The following SEMA4B variants were observed in gnomAD, a reference collection of about 807,000 sequenced individuals.
SEMA4B encodes semaphorin 4B.
SEMA4B carries 55 observed loss-of-function variants against 88.1 expected under a neutral mutation model. That is an observed-to-expected ratio of 0.62 (90% CI 0.50 to 0.78). The LOEUF (loss-of-function observed/expected upper bound fraction) is 0.78, where lower values mean the gene tolerates loss of function less well. Among genes scored for constraint, SEMA4B ranks in the 30% least tolerant of loss-of-function variants. The pLI, the probability that SEMA4B is intolerant of heterozygous loss-of-function variation, is 0.00. For missense variants in SEMA4B, 1,062 were observed against 1,111.9 expected (o/e 0.96, Z 0.64); for synonymous variants, 525 against 473.6 (o/e 1.11, Z -1.41).
At position 90,225,094 on chromosome 15, in the gene SEMA4B, C is replaced by G. The variant is rs1455179236; in HGVS notation, c.1321C>G (p.Gln441Glu). Residue 441 changes from glutamine (Q) to glutamate (E), a missense_variant, in exon 10 of 14, where the codon CAG becomes GAG. Coordinates refer to ENST00000411539, the MANE Select transcript of SEMA4B (RefSeq NM_198925.4). The stretch of plus-strand genomic sequence containing the variant: ...GGTCCGAAGCCGCATGCTGCTGCTG[C>G]AGCCCCAGGCTCGCTACCAGCGCGT... ...GQVRSRMLLLQPQARYQRVAV... is the reference protein window; with the variant it reads ...GQVRSRMLLLEPQARYQRVAV... The G allele has an allele frequency of 6.2e-7, 1 of 1,613,642 alleles. No individual in the cohort carries two copies. The highest frequency in any genetic ancestry group is 8.5e-7 in the Non-Finnish European group (1 of 1,179,860).
At chr15:90,206,462 G>A (rs920615594) in intron 1 of SEMA4B, 7 of 259,488 alleles carry the variant, frequency 2.7e-5, no homozygotes, top group African/African-American at 1.6e-4. Flanking sequence ...TGTAAGATAA[G>A]ATAATTAAAA....
upstream of SEMA4B, among the ~76,000 whole-genome samples, chr15:90,200,406 G>A (rs973570324): frequency 2.0e-5 from 3 of 152,246 alleles, no homozygotes; most frequent in African/African-American, 4.8e-5. Flanking sequence ...CTTAGGAAAA[G>A]TTGAAGTAGC....
chr15:90,222,249 C>CTTTTT (rs766999023), intron 7 of SEMA4B, among the ~76,000 whole-genome samples: 1 of 104,348 alleles, frequency 9.6e-6, no homozygotes, highest in African/African-American at 4.9e-5. Flanking sequence ...CATTTTTTTT[C>CTTTTT]TTTTCTTTTT....
rs202227363 is a variant in SEMA4B at position 90,228,294 on chromosome 15, G to C, written c.2165G>C (p.Cys722Ser). The C allele has an allele frequency of 2.5e-6, 4 of 1,591,216 alleles. No homozygotes were observed. Among genetic ancestry groups the C allele is most frequent in the Non-Finnish European group, 3.4e-6 (4 of 1,167,670 alleles). The change falls in exon 14 of 14, where the codon TGC (cysteine) becomes TCC (serine). Residue 722 changes from cysteine (C) to serine (S), a missense_variant. Transcript: ENST00000411539. Reference protein sequence around the residue: ...RSYWKEFLVMCTLFVLAVLLP... With the variant: ...RSYWKEFLVMSTLFVLAVLLP... The stretch of plus-strand genomic sequence containing the variant: ...TACTGGAAGGAGTTCCTGGTGATGT[G>C]CACGCTCTTTGTGCTGGCCGTGCTG...
At position 90,189,896 on chromosome 15, in the gene SEMA4B, G is replaced by A. The variant is rs533456340; in HGVS notation, c.-122+4815G>A. On this transcript the variant is annotated intron_variant, in intron 1 of 14. Coordinates refer to the SEMA4B transcript ENST00000332496. The stretch of plus-strand genomic sequence containing the variant: ...TGCTGCACTGCTCACAGGCTATAGT[G>A]AAAGAACTCAGGCAGCATTCATAGA... Among the ~76,000 whole-genome samples, 6 of 152,332 alleles carry A rather than the reference G, an allele frequency of 3.9e-5. No individual in the cohort carries two copies. The East Asian group carries it at 7.7e-4, about 20-fold the overall frequency.
intron 5 of SEMA4B, 46 bp downstream of exon 5, chr15:90,221,139 G>A (rs1355363024): frequency 1.5e-6 from 2 of 1,363,834 alleles, no homozygotes; most frequent in Non-Finnish European, 2.1e-6. Flanking sequence ...CCATGTAGGG[G>A]CACACAGGGC....
chr15:90,221,560 G>A (rs370495602), intron 6 of SEMA4B, 54 bp from the exon 7 acceptor site: 1 of 1,609,336 alleles, frequency 6.2e-7, no homozygotes, highest in Non-Finnish European at 8.5e-7. Flanking sequence ...CCCCAGCTTG[G>A]CCTGTCTCCA....
At chr15:90,225,518 G>T (rs764617895) in intron 11 of SEMA4B, 121 bp downstream of exon 11, 264 of 1,292,174 alleles carry the variant, frequency 2.0e-4, no homozygotes, top group Non-Finnish European at 2.8e-4. Context: ...AAAGGATCCA[G>T]TCATGAACTA....
At chr15:90,197,466 C>T (rs1212391074), upstream of SEMA4B, among the ~76,000 whole-genome samples, 1 of 151,778 alleles carries the variant, frequency 6.6e-6, no homozygotes, top group Non-Finnish European at 1.5e-5. Context: ...GGGACGGAGT[C>T]TCGCTCTGTC....
chr15:90,197,431 C>G (rs1960545885), upstream of SEMA4B, among the ~76,000 whole-genome samples: 1 of 151,916 alleles, frequency 6.6e-6, no homozygotes, highest in Non-Finnish European at 1.5e-5. Context: ...GGTGCTAGAT[C>G]TGCTCACCCA....
upstream of SEMA4B, among the ~76,000 whole-genome samples, chr15:90,200,024 C>G (rs929006182): frequency 2.6e-5 from 4 of 152,166 alleles, no homozygotes; most frequent in African/African-American, 9.7e-5. Context: ...GTTCTGGGAG[C>G]CCCTTTAAAA....
At chr15:90,199,025 C>T (rs942744732), upstream of SEMA4B, among the ~76,000 whole-genome samples, 6 of 152,178 alleles carry the variant, frequency 3.9e-5, no homozygotes, top group Non-Finnish European at 8.8e-5. Context: ...AGGCACACAC[C>T]ACCATGCCCA....
At chr15:90,195,758 C>T (rs867887087) in intron 1 of SEMA4B, among the ~76,000 whole-genome samples, 1 of 151,948 alleles carries the variant, frequency 6.6e-6, no homozygotes, top group African/African-American at 2.4e-5. Context: ...TACAGGCATG[C>T]GCCACCATAC....
intron 1 of SEMA4B, 104 bp from the exon 2 acceptor site, chr15:90,217,335 C>T (rs1222690350): frequency 4.9e-6 from 6 of 1,236,244 alleles, no homozygotes; most frequent in Non-Finnish European, 6.7e-6. Flanking sequence ...CCACCCTTTG[C>T]CTTGCTGATT....
chr15:90,201,851 A>G, intron 1 of SEMA4B, 116 bp downstream of exon 1: 1 of 1,015,880 alleles, frequency 9.8e-7, no homozygotes, highest in South Asian at 2.0e-5. Context: ...GAGGCACGGG[A>G]TCCATTAGGA....
chr15:90,188,117 G>A (rs541711352), intron 1 of SEMA4B, among the ~76,000 whole-genome samples: 8 of 150,766 alleles, frequency 5.3e-5, no homozygotes, highest in East Asian at 3.9e-4. Flanking sequence ...CCAGGAGTTC[G>A]AGACCAGCCT....
chr15:90,197,760 A>G (rs1029279207), upstream of SEMA4B, among the ~76,000 whole-genome samples: 12 of 151,596 alleles, frequency 7.9e-5, no homozygotes, highest in Admixed American at 4.0e-4. Context: ...ATTTTTATCA[A>G]TAGCTTGAAT....
At chr15:90,225,553 G>C (rs142790959) in intron 11 of SEMA4B, 108 bp from the exon 12 acceptor site, 14 of 1,361,230 alleles carry the variant, frequency 1.0e-5, no homozygotes, top group Non-Finnish European at 1.4e-5. Flanking sequence ...CGCCTGTTAC[G>C]TAACAGGCCT....
At chr15:90,223,385 C>T (rs1170253205) in intron 7 of SEMA4B, among the ~76,000 whole-genome samples, 174 bp from the exon 8 acceptor site, 2 of 152,184 alleles carry the variant, frequency 1.3e-5, no homozygotes, top group African/African-American at 4.8e-5. Flanking sequence ...AAGGACCATC[C>T]TCCTGATGGA....
Sources: allele counts gnomAD v4.1 joint callset (sites outside exome capture counted in the v4.1 genomes callset), GRCh38; gene constraint gnomAD v4.1.1; transcripts MANE v1.5; gene names NCBI Gene and HGNC (gene_info 2026-07-23, HGNC 2026-07-21).